Variants in WIPF1 observed in about 807,000 individuals in gnomAD.
WIPF1 encodes the protein WAS/WASL interacting protein family member 1, also known as WAS/WASL-interacting protein family member 1.
A neutral mutation model predicts 35.4 loss-of-function variants in WIPF1; 13 were observed. The ratio of observed to expected loss-of-function variants is 0.37; its 90% CI spans 0.24 to 0.58. WIPF1 has a LOEUF of 0.58. WIPF1 is among the 20% of genes least tolerant of loss of function. WIPF1 has a pLI of 0.74. For missense variants in WIPF1, 591 were observed against 667.0 expected, an observed-to-expected ratio of 0.89 and a Z score of 1.25; for synonymous variants, 267 against 266.3, an observed-to-expected ratio of 1.00 and a Z score of -0.02.
At chr2:174,575,434 AC>A in intron 3 of WIPF1, 54 bp from the exon 4 acceptor site, 8 of 1,528,776 alleles carry the variant, frequency 5.2e-6, no homozygotes, top group Non-Finnish European at 7.0e-6. Flanking sequence ...GCCCAGGTAA[AC>A]CATAAAACAA....
chr2:174,613,128 T>C (rs545509515), intron 1 of WIPF1, among the ~76,000 whole-genome samples: 1 of 93,752 alleles, frequency 1.1e-5, no homozygotes, highest in South Asian at 4.3e-4. Flanking sequence ...CCTTGGTTTA[T>C]GTTATGCACA....
chr2:174,569,786 G>T lies in WIPF1; in HGVS notation c.1130-1713C>A, dbSNP rs764032998. On this transcript the variant is annotated intron_variant, in intron 5 of 7. Coordinates refer to ENST00000679041, the MANE Select transcript of WIPF1 (RefSeq NM_001375834.1). ...CTCAGAGGTTTTGGAAGCTTGAAAAGCTCATCAGAAGACTGAGTGGAGGAG... is the reference window on the plus strand; with the variant it reads ...CTCAGAGGTTTTGGAAGCTTGAAAATCTCATCAGAAGACTGAGTGGAGGAG... 1.0e-3 allele frequency among the ~76,000 whole-genome samples: 152 copies of T among 152,200 alleles called. 3 individuals are homozygous for T. Among genetic ancestry groups the T allele is most frequent in the Non-Finnish European group, 2.6e-4 (18 of 68,040 alleles).
intron 1 of WIPF1, among the ~76,000 whole-genome samples, chr2:174,631,966 G>A (rs1687035028): frequency 6.6e-6 from 1 of 152,204 alleles, no homozygotes; most frequent in Admixed American, 6.5e-5. Context: ...TGAGGAAGAA[G>A]AGAGATTTGT....
chr2:174,627,672 G>C (rs1188628383), intron 1 of WIPF1, among the ~76,000 whole-genome samples: 1 of 151,644 alleles, frequency 6.6e-6, no homozygotes, highest in Admixed American at 6.6e-5. Flanking sequence ...TCAGCCTCCT[G>C]ATTAGCTGGA....
intron 1 of WIPF1, among the ~76,000 whole-genome samples, chr2:174,641,403 C>T (rs1351822539): frequency 1.3e-5 from 2 of 152,178 alleles, no homozygotes; most frequent in African/African-American, 4.8e-5. Context: ...CAAAGGTCTC[C>T]TTGCTTCTGC....
chr2:174,631,622 A>C (rs1463365124), intron 1 of WIPF1, among the ~76,000 whole-genome samples: 1 of 152,210 alleles, frequency 6.6e-6, no homozygotes, highest in African/African-American at 2.4e-5. Context: ...TATCACAATT[A>C]AAACTCCCCC....
At chr2:174,594,015 T>C (rs1398160026) in intron 1 of WIPF1, among the ~76,000 whole-genome samples, 1 of 152,232 alleles carries the variant, frequency 6.6e-6, no homozygotes, top group African/African-American at 2.4e-5. Flanking sequence ...TTGGTTCTTA[T>C]GCATTGTTAG....
At chr2:174,635,919 A>G (rs180837834) in intron 1 of WIPF1, among the ~76,000 whole-genome samples, 2 of 152,278 alleles carry the variant, frequency 1.3e-5, no homozygotes, top group Admixed American at 6.5e-5. Context: ...AAGTCTCACC[A>G]CATGATTGCA....
At chr2:174,640,320 A>G (rs1687270452) in intron 1 of WIPF1, among the ~76,000 whole-genome samples, 1 of 117,268 alleles carries the variant, frequency 8.5e-6, no homozygotes, top group Non-Finnish European at 1.6e-5. Flanking sequence ...GGACACAGGA[A>G]GGGGAACATC....
At chr2:174,652,335 G>A (rs1470986287) in intron 1 of WIPF1, among the ~76,000 whole-genome samples, 1 of 152,290 alleles carries the variant, frequency 6.6e-6, no homozygotes, top group African/African-American at 2.4e-5. Context: ...TGATAAGCCT[G>A]TGTGCTTACA....
intron 1 of WIPF1, among the ~76,000 whole-genome samples, chr2:174,636,036 G>A (rs1687175537): frequency 6.6e-6 from 1 of 152,226 alleles, no homozygotes; most frequent in Admixed American, 6.5e-5. Flanking sequence ...CAAAATGGCT[G>A]TCCAAGCTAT....
intron 1 of WIPF1, among the ~76,000 whole-genome samples, chr2:174,661,360 C>A (rs1687755811): frequency 6.6e-6 from 1 of 152,174 alleles, no homozygotes; most frequent in Admixed American, 6.5e-5. Context: ...CCTGCCCTTG[C>A]CTACACCTCT....
chr2:174,666,347 C>T (rs1574868537), intron 1 of WIPF1, among the ~76,000 whole-genome samples: 1 of 152,186 alleles, frequency 6.6e-6, no homozygotes, highest in East Asian at 1.9e-4. Context: ...GGAATCTATA[C>T]AATGTAAGGT....
At chr2:174,637,762 G>A (rs904290964) in intron 1 of WIPF1, among the ~76,000 whole-genome samples, 1 of 152,202 alleles carries the variant, frequency 6.6e-6, no homozygotes, top group South Asian at 2.1e-4. Flanking sequence ...ACTCCAGCCT[G>A]GGCGATGGAG....
Position 174,595,057 on chromosome 2 carries a change from C to CT in WIPF1, c.-39+2543dup, listed in dbSNP as rs1339077230. ...TTGAGCCCAAGAGTTTGAGACCATC[C>CT]TGGGCAAACATAGTGGGACCCTCAT... On this transcript the variant is annotated intron_variant, in intron 1 of 7. Coordinates refer to ENST00000679041, the MANE Select transcript of WIPF1 (RefSeq NM_001375834.1). 1.5e-4 allele frequency among the ~76,000 whole-genome samples: 17 copies of CT among 112,424 alleles called. 1 individual carries two copies. In the East Asian group the frequency reaches 4.8e-3, roughly 32 times the overall value. The allele number at this position is 112,424 out of a possible 152,430, so 73.8% of individuals were successfully genotyped here.
intron 1 of WIPF1, among the ~76,000 whole-genome samples, chr2:174,613,678 C>A (rs746660439): frequency 6.6e-6 from 1 of 152,132 alleles, no homozygotes; most frequent in Non-Finnish European, 1.5e-5. Flanking sequence ...CTCCCCAGTT[C>A]GTGCTACTTG....
At chr2:174,615,286 A>G (rs1399237923) in intron 1 of WIPF1, among the ~76,000 whole-genome samples, 1 of 152,204 alleles carries the variant, frequency 6.6e-6, no homozygotes. Flanking sequence ...CACTTCCTAT[A>G]CAAAATAAGC....
intron 1 of WIPF1, among the ~76,000 whole-genome samples, chr2:174,606,155 C>A (rs1056172700): frequency 1.3e-5 from 2 of 152,110 alleles, no homozygotes; most frequent in Non-Finnish European, 2.9e-5. Context: ...AAAGAACAGA[C>A]CCTTTTTTCT....
At chr2:174,629,167 T>C (rs2105928608) in intron 1 of WIPF1, among the ~76,000 whole-genome samples, 1 of 152,284 alleles carries the variant, frequency 6.6e-6, no homozygotes, top group Admixed American at 6.5e-5. Flanking sequence ...GTGCCATGAC[T>C]GTACCTGTGA....
Sources: gnomAD v4.1 joint callset for allele counts (sites outside exome capture counted in the v4.1 genomes callset) on GRCh38, gnomAD v4.1.1 for gene constraint, MANE v1.5 for transcripts, NCBI Gene and HGNC (gene_info 2026-07-23, HGNC 2026-07-21) for gene names.